Variants in FGGY observed in about 807,000 individuals in gnomAD.
FGGY encodes FGGY carbohydrate kinase domain-containing protein.
Under a neutral mutation model 71.3 loss-of-function variants are expected in FGGY, and 72 were observed. The ratio of observed to expected loss-of-function variants is 1.01; its 90% confidence interval spans 0.84 to 1.23. The LOEUF is 1.23. Among genes scored for constraint, FGGY ranks in the 50% most tolerant of loss-of-function variants. The pLI is 0.00. For missense variants in FGGY, 668 were observed against 682.3 expected (o/e 0.98, Z 0.23); for synonymous variants, 251 against 250.3 (o/e 1.00, Z -0.02).
At chr1:59,506,700 G>A (rs954650532) in intron 6 of FGGY, among the ~76,000 whole-genome samples, 5 of 152,102 alleles carry the variant, frequency 3.3e-5, no homozygotes, top group African/African-American at 4.8e-5. Context: ...TTGAGAAGCC[G>A]AGGCATGAGA....
At chr1:59,675,022 C>T (rs1161241497) in intron 14 of FGGY, among the ~76,000 whole-genome samples, 1 of 152,196 alleles carries the variant, frequency 6.6e-6, no homozygotes, top group African/African-American at 2.4e-5. Flanking sequence ...CAAGCATGCT[C>T]ATTTAGTCCC....
intron 1 of FGGY, among the ~76,000 whole-genome samples, chr1:59,319,302 T>C (rs1205793553): frequency 1.3e-5 from 2 of 152,222 alleles, no homozygotes. Context: ...TTCTGTTAAT[T>C]CATTGATTCA....
intron 7 of FGGY, among the ~76,000 whole-genome samples, chr1:59,521,356 G>A (rs550219565): frequency 1.3e-5 from 2 of 152,212 alleles, no homozygotes; most frequent in Admixed American, 6.5e-5. Context: ...AGGCTTTCTT[G>A]GAGTGCTGTG....
chr1:59,517,588 C>T (rs1426687812), intron 7 of FGGY, among the ~76,000 whole-genome samples: 1 of 152,154 alleles, frequency 6.6e-6, no homozygotes, highest in Non-Finnish European at 1.5e-5. Context: ...ATCCTGTTCT[C>T]CTCTGGGAAG....
chr1:59,567,438 C>G (rs2095892711), intron 8 of FGGY, among the ~76,000 whole-genome samples: 1 of 152,022 alleles, frequency 6.6e-6, no homozygotes, highest in South Asian at 2.1e-4. Context: ...AAGACTAAGC[C>G]ACAATTCTGT....
At chr1:59,456,066 T>C (rs954995886) in intron 5 of FGGY, among the ~76,000 whole-genome samples, 1 of 151,724 alleles carries the variant, frequency 6.6e-6, no homozygotes, top group Non-Finnish European at 1.5e-5. Context: ...AAAAACTTTT[T>C]TTTATCATAG....
chr1:59,578,934 T>C (rs1036412084), intron 8 of FGGY, among the ~76,000 whole-genome samples: 7 of 152,260 alleles, frequency 4.6e-5, no homozygotes, highest in South Asian at 2.1e-4. Flanking sequence ...CTTGACCTTA[T>C]ATTTCGCCCT....
intron 14 of FGGY, chr1:59,680,728 G>A (rs1344231517): frequency 6.6e-6 from 1 of 152,086 alleles, no homozygotes; most frequent in Non-Finnish European, 1.5e-5. Context: ...TCATTTCATA[G>A]ACCCCTTGAA....
At chr1:59,404,905 A>C (rs531854718) in intron 5 of FGGY, among the ~76,000 whole-genome samples, 9 of 152,248 alleles carry the variant, frequency 5.9e-5, no homozygotes, top group African/African-American at 2.2e-4. Flanking sequence ...GCTCACATCC[A>C]CGCTGTGCAT....
At chr1:59,665,550 T>A (rs1572874317) in intron 12 of FGGY, among the ~76,000 whole-genome samples, 1 of 152,198 alleles carries the variant, frequency 6.6e-6, no homozygotes. Flanking sequence ...TGTCCCCAGG[T>A]TCCCCCATCC....
At chr1:59,387,723 G>T (rs2060239997) in intron 5 of FGGY, among the ~76,000 whole-genome samples, 1 of 152,026 alleles carries the variant, frequency 6.6e-6, no homozygotes, top group South Asian at 2.1e-4. Flanking sequence ...GTGCTCTTTA[G>T]TGCACACCTT....
At position 59,579,661 on chromosome 1, in the gene FGGY, C is replaced by T. The variant is rs534362106; in HGVS notation, c.903+25434C>T. On this transcript the variant is annotated intron_variant, in intron 8 of 15. Transcript: ENST00000303721. The stretch of plus-strand genomic sequence containing the variant: ...ACTGATGGAATCCACCAATGTGGAC[C>T]ACCTAGTTCAAGCAGTTGTGCTCCC... Among the ~76,000 whole-genome samples, 9 of 152,192 alleles carry T rather than the reference C, an allele frequency of 5.9e-5. No homozygotes were observed. In the South Asian group the frequency reaches 1.9e-3, roughly 32 times the overall value.
chr1:59,393,067 T>C (rs1048996059), intron 5 of FGGY: 1 of 152,204 alleles, frequency 6.6e-6, no homozygotes, highest in Admixed American at 6.5e-5. Flanking sequence ...TCTGGGTCTA[T>C]ATAAGGTGGC....
At chr1:59,502,028 T>G (rs2094241631) in intron 6 of FGGY, among the ~76,000 whole-genome samples, 1 of 152,222 alleles carries the variant, frequency 6.6e-6, no homozygotes, top group East Asian at 1.9e-4. Flanking sequence ...TTATTTGCAT[T>G]ATCTTGCTTG....
At chr1:59,613,855 G>A (rs2096719022) in intron 9 of FGGY, among the ~76,000 whole-genome samples, 1 of 152,160 alleles carries the variant, frequency 6.6e-6, no homozygotes, top group Non-Finnish European at 1.5e-5. Context: ...TACCATCAGA[G>A]AATACTATAA....
At position 59,464,226 on chromosome 1, in the gene FGGY, C is replaced by T. The variant is rs147217701; in HGVS notation, c.670+7150C>T. 8.1e-3 allele frequency among the ~76,000 whole-genome samples: 1,240 copies of T among 152,300 alleles called. 15 individuals are homozygous for T. The highest frequency in any genetic ancestry group is 0.028 in the African/African-American group (1,163 of 41,544). ...ATTAAGAAACTCACTCAAAACTGCA[C>T]AACTACGTGGAAAGTGAACAACCTG... On this transcript the variant is annotated intron_variant, in intron 6 of 15. Coordinates refer to ENST00000303721, the MANE Select transcript of FGGY (RefSeq NM_018291.5).
intron 1 of FGGY, among the ~76,000 whole-genome samples, chr1:59,306,131 T>A (rs530129232): frequency 1.3e-5 from 2 of 152,162 alleles, no homozygotes; most frequent in African/African-American, 4.8e-5. Context: ...TTGTTTTCTA[T>A]TTTTTTCCCC....
chr1:59,586,162 A>G (rs1250521662), intron 8 of FGGY, among the ~76,000 whole-genome samples: 1 of 152,238 alleles, frequency 6.6e-6, no homozygotes, highest in Non-Finnish European at 1.5e-5. Context: ...ATCACTGGGT[A>G]TATACGCAAA....
At chr1:59,723,241 G>A (rs7525071) in intron 14 of FGGY, among the ~76,000 whole-genome samples, 102,705 of 152,030 alleles carry the variant, frequency 0.68, 34,874 homozygotes, top group Admixed American at 0.75. Flanking sequence ...CCTAACCCAT[G>A]TATATACCCA....
Sources: allele counts gnomAD v4.1 joint callset (sites outside exome capture counted in the v4.1 genomes callset), GRCh38; gene constraint gnomAD v4.1.1; transcripts MANE v1.5; gene names NCBI Gene and HGNC (gene_info 2026-07-23, HGNC 2026-07-21).